NDFIP1: variants seen among roughly 807,000 people sequenced by gnomAD.
The protein encoded by NDFIP1 is NEDD4 family-interacting protein 1.
Under a neutral mutation model 28.8 loss-of-function variants are expected in NDFIP1, and 7 were observed. The observed-to-expected ratio is 0.24, with a 90% CI of 0.14 to 0.46. NDFIP1 has a LOEUF of 0.46. Among genes scored for constraint, NDFIP1 ranks in the 20% least tolerant of loss-of-function variants. The probability of loss-of-function intolerance (pLI) is 0.99; values close to 1 mark genes in which losing one functional copy is unlikely to be tolerated. For missense variants in NDFIP1, 194 were observed against 269.1 expected (o/e 0.72, Z 1.95); for synonymous variants, 92 against 101.0 (o/e 0.91, Z 0.53).
chr5:142,129,915 A>G (rs1461515715), intron 1 of NDFIP1, among the ~76,000 whole-genome samples: 1 of 134,426 alleles, frequency 7.4e-6, no homozygotes, highest in African/African-American at 2.7e-5. Context: ...ACATCTCAAA[A>G]AAAAAAAAAA....
intron 6 of NDFIP1, among the ~76,000 whole-genome samples, chr5:142,141,217 A>C (rs1009816357): frequency 5.9e-5 from 7 of 118,526 alleles, no homozygotes; most frequent in South Asian, 2.9e-4. Context: ...GCTCTGTCGC[A>C]CAGGCTGGAG....
chr5:142,124,894 C>T (rs1047540927), intron 1 of NDFIP1, among the ~76,000 whole-genome samples: 4 of 151,916 alleles, frequency 2.6e-5, no homozygotes, highest in South Asian at 4.1e-4. Context: ...GGCGCAATCT[C>T]GGCTCACTGC....
chr5:142,142,941 ATATATAT>A (rs375306202), intron 6 of NDFIP1: 41 of 32,458 alleles, frequency 1.3e-3, no homozygotes, highest in Non-Finnish European at 2.2e-3. Flanking sequence ...AAAAAAAAAA[ATATATAT>A]ATATATATAT....
At position 142,154,337 on chromosome 5, in the gene NDFIP1, T is replaced by C. The variant is rs1450192042; in HGVS notation, c.*2609T>C. ...CTTGTTGCCATTTGAAACTCTGTAC[T>C]CTTATGTTTAAAGGGTTCTGTATAG... On this transcript the variant is annotated 3_prime_UTR_variant, in exon 8 of 8. Coordinates refer to ENST00000253814, the MANE Select transcript of NDFIP1 (RefSeq NM_030571.4). 1 of 152,326 alleles carries C rather than the reference T, an allele frequency of 6.6e-6. No homozygotes were observed. The highest frequency in any genetic ancestry group is 1.5e-5 in the Non-Finnish European group (1 of 68,044). The allele number at this position is 152,326 out of a possible 1,614,324, so 9.4% of individuals were successfully genotyped here. A position where few individuals can be genotyped will look rare whatever the true frequency, so the allele number is the denominator to read the frequency against.
At chr5:142,137,588 GT>G in intron 4 of NDFIP1, 145 bp from the exon 5 acceptor site, 1 of 913,434 alleles carries the variant, frequency 1.1e-6, no homozygotes, top group Non-Finnish European at 1.7e-6. Context: ...AAGAATGGAT[GT>G]TTTAGAGGAG....
At chr5:142,131,674 AG>A in intron 1 of NDFIP1, 133 bp from the exon 2 acceptor site, 1 of 595,720 alleles carries the variant, frequency 1.7e-6, no homozygotes, top group South Asian at 3.4e-5. Context: ...CTTTTCTTAA[AG>A]GATTTGTGCA....
chr5:142,129,731 A>G (rs1596788097), intron 1 of NDFIP1, among the ~76,000 whole-genome samples: 1 of 151,966 alleles, frequency 6.6e-6, no homozygotes, highest in South Asian at 2.1e-4. Flanking sequence ...GTTTGAGACG[A>G]GCCTGGCCCA....
At chr5:142,135,135 C>T (rs927047442) in intron 3 of NDFIP1, among the ~76,000 whole-genome samples, 17 of 142,882 alleles carry the variant, frequency 1.2e-4, no homozygotes, top group African/African-American at 4.6e-4. Flanking sequence ...CCCGCCACCA[C>T]TCCCGGCTAA....
intron 1 of NDFIP1, among the ~76,000 whole-genome samples, chr5:142,110,867 T>G (rs1416256050): frequency 6.6e-6 from 1 of 152,064 alleles, no homozygotes; most frequent in Admixed American, 6.6e-5. Flanking sequence ...TTTTTTTTTC[T>G]TTTAATTCAT....
At position 142,108,947 on chromosome 5, in the gene NDFIP1, G is replaced by T; in HGVS notation, c.-28G>T. On this transcript the variant is annotated 5_prime_UTR_variant, in exon 1 of 8. Coordinates refer to ENST00000253814, the MANE Select transcript of NDFIP1 (RefSeq NM_030571.4). ...GCCCCTTCAGCTAGCTCGCTCGCTC[G>T]CTCTGCTTCCCTGCTGCCGGCTGCG... The T allele has an allele frequency of 1.4e-6, 2 of 1,428,054 alleles. No homozygotes were observed. Among genetic ancestry groups the T allele is most frequent in the South Asian group, 1.4e-5 (1 of 72,360 alleles). 88.5% of individuals were successfully genotyped at this position (1,428,054 alleles called of 1,614,324 possible).
intron 4 of NDFIP1, among the ~76,000 whole-genome samples, 185 bp downstream of exon 4, chr5:142,136,002 T>C (rs1475132520): frequency 6.6e-6 from 1 of 152,232 alleles, no homozygotes; most frequent in Non-Finnish European, 1.5e-5. Flanking sequence ...CTCTTTGCCT[T>C]CTATTTTCAT....
intron 1 of NDFIP1, among the ~76,000 whole-genome samples, chr5:142,112,721 G>A (rs2126909061): frequency 6.7e-6 from 1 of 148,932 alleles, no homozygotes. Context: ...GGGAGGTGAA[G>A]ATTGCAGTGA....
Position 142,109,312 on chromosome 5 carries a change from T to C in NDFIP1, c.63+275T>C, listed in dbSNP as rs545291216. ...TTCCCAGGGCGGGCGGGTCCCTGAG[T>C]CAGAACCCGCGACCCACAGGCGGCA... On this transcript the variant is annotated intron_variant, in intron 1 of 7. Coordinates refer to ENST00000253814, the MANE Select transcript of NDFIP1 (RefSeq NM_030571.4). Among the ~76,000 whole-genome samples the C allele has an allele frequency of 3.4e-3, 518 of 152,216 alleles. 2 individuals are homozygous for C. The highest frequency in any genetic ancestry group is 0.012 in the African/African-American group (495 of 41,534).
In NDFIP1 at chr5:142,154,178, A is replaced by C. The variant is rs1757475393; in HGVS notation, c.*2450A>C. 1 of 152,272 alleles carries C rather than the reference A, an allele frequency of 6.6e-6. No individual in the cohort carries two copies. Among genetic ancestry groups the C allele is most frequent in the African/African-American group, 2.4e-5 (1 of 41,430 alleles). The allele number at this position is 152,272 out of a possible 1,614,324, so 9.4% of individuals were successfully genotyped here. A position where few individuals can be genotyped will look rare whatever the true frequency, so the allele number is the denominator to read the frequency against. On this transcript the variant is annotated 3_prime_UTR_variant, in exon 8 of 8. Coordinates refer to ENST00000253814, the MANE Select transcript of NDFIP1 (RefSeq NM_030571.4). ...TGGATAAAGAGTGAGTTTTTATAAT[A>C]AATGGTTTTGGAAAGGTATTCATAG...
At chr5:142,137,917 G>C in intron 5 of NDFIP1, 59 bp downstream of exon 5, 1 of 1,506,654 alleles carries the variant, frequency 6.6e-7, no homozygotes, top group Non-Finnish European at 8.9e-7. Flanking sequence ...GAATATTTTT[G>C]AATATTCGAT....
rs1256953862 is a variant in NDFIP1, at chr5:142,153,908, G to A, written c.*2180G>A. On this transcript the variant is annotated 3_prime_UTR_variant, in exon 8 of 8. Coordinates refer to ENST00000253814, the MANE Select transcript of NDFIP1 (RefSeq NM_030571.4). ...GAATTCCTATTTCTACGTATTTGGT[G>A]GTCCATAAGACTTTGTCAAATGTAA... 6.5e-6 allele frequency: 1 copy of A among 152,896 alleles called. No individual in the cohort carries two copies. Among genetic ancestry groups the A allele is most frequent in the African/African-American group, 2.4e-5 (1 of 41,408 alleles). 9.5% of individuals were successfully genotyped at this position (152,896 alleles called of 1,614,324 possible).
At chr5:142,120,172 T>C (rs1179496719) in intron 1 of NDFIP1, among the ~76,000 whole-genome samples, 1 of 152,116 alleles carries the variant, frequency 6.6e-6, no homozygotes, top group African/African-American at 2.4e-5. Context: ...GTCAGGCTGG[T>C]CTCAAACTCC....
At chr5:142,137,701 G>A (rs748369341) in intron 4 of NDFIP1, 33 bp from the exon 5 acceptor site, 55 of 1,612,662 alleles carry the variant, frequency 3.4e-5, no homozygotes, top group Non-Finnish European at 4.6e-5. Flanking sequence ...AACAGGACAT[G>A]TCTAACATCT....
intron 1 of NDFIP1, among the ~76,000 whole-genome samples, chr5:142,117,299 A>T (rs1290191561): frequency 6.7e-6 from 1 of 148,196 alleles, no homozygotes; most frequent in African/African-American, 2.5e-5. Context: ...GCTGGAGTGC[A>T]GTGGCGAAAT....
Sources: allele counts gnomAD v4.1 joint callset (sites outside exome capture counted in the v4.1 genomes callset), GRCh38; gene constraint gnomAD v4.1.1; transcripts MANE v1.5; gene names NCBI Gene and HGNC (gene_info 2026-07-23, HGNC 2026-07-21).